STARD13: variants seen among roughly 807,000 people sequenced by gnomAD.
STARD13 encodes stAR-related lipid transfer protein 13.
In STARD13, 62 loss-of-function variants were observed where a neutral mutation model predicts 106.4. The observed-to-expected ratio is 0.58, with a 90% CI of 0.48 to 0.72. The LOEUF (loss-of-function observed/expected upper bound fraction) is 0.72, where lower values mean the gene tolerates loss of function less well. STARD13 is among the 30% of genes least tolerant of loss of function. STARD13 has a pLI of 0.00. For synonymous variants in STARD13, 565 were observed against 553.0 expected (o/e 1.02, Z -0.31); for missense variants, 1,387 against 1,424.0 (o/e 0.97, Z 0.42).
the STARD13 span, among the ~76,000 whole-genome samples, chr13:33,356,497 G>C: frequency 1.3e-5 from 2 of 152,176 alleles, no homozygotes; most frequent in Non-Finnish European, 2.9e-5. Context: ...AGAGGAGGTA[G>C]CCAACTAGGT....
At chr13:33,325,112 A>G (rs2077758762) in intron 1 of STARD13, among the ~76,000 whole-genome samples, 1 of 152,206 alleles carries the variant, frequency 6.6e-6, no homozygotes, top group Admixed American at 6.5e-5. Flanking sequence ...CTACACATCA[A>G]AAAGTTTGTC....
chr13:33,196,255 C>G (rs901142341), intron 1 of STARD13, among the ~76,000 whole-genome samples: 5 of 151,992 alleles, frequency 3.3e-5, no homozygotes, highest in East Asian at 1.9e-4. Flanking sequence ...CGTGGTGACA[C>G]GACGCATGCC....
intron 1 of STARD13, among the ~76,000 whole-genome samples, chr13:33,311,889 T>G (rs1017540320): frequency 1.3e-5 from 2 of 152,210 alleles, no homozygotes; most frequent in African/African-American, 4.8e-5. Context: ...TGCATGTGGA[T>G]TATCCAGTAA....
At chr13:33,294,864 C>T (rs942660045) in intron 1 of STARD13, among the ~76,000 whole-genome samples, 7 of 152,238 alleles carry the variant, frequency 4.6e-5, no homozygotes, top group African/African-American at 1.7e-4. Context: ...AACACTTGCT[C>T]ATTGAAGAAA....
At chr13:33,326,083 C>CCTCT (rs940101876) in intron 1 of STARD13, among the ~76,000 whole-genome samples, 2 of 151,686 alleles carry the variant, frequency 1.3e-5, no homozygotes, top group Non-Finnish European at 2.9e-5. Flanking sequence ...TCCCCATCTC[C>CCTCT]CTCTCTCTCT....
chr13:33,229,317 CA>C (rs1888785327), intron 1 of STARD13, among the ~76,000 whole-genome samples: 1 of 152,016 alleles, frequency 6.6e-6, no homozygotes, highest in Non-Finnish European at 1.5e-5. Context: ...TGACACAGAC[CA>C]AAACCGACCC....
the STARD13 span, among the ~76,000 whole-genome samples, chr13:33,499,519 T>TTTCCTCTTC: frequency 6.5e-5 from 6 of 91,888 alleles, no homozygotes; most frequent in Non-Finnish European, 1.2e-4. Context: ...TTCTTCTTTC[T>TTTCCTCTTC]TTCTTCTTCT....
chr13:33,435,845 G>T, the STARD13 span, among the ~76,000 whole-genome samples: 1 of 151,932 alleles, frequency 6.6e-6, no homozygotes, highest in Non-Finnish European at 1.5e-5. Flanking sequence ...ATTGATAAAG[G>T]GTACCAAAAA....
chr13:33,402,810 G>A, the STARD13 span, among the ~76,000 whole-genome samples: 2 of 152,356 alleles, frequency 1.3e-5, no homozygotes, highest in South Asian at 2.1e-4. Flanking sequence ...TTCAGCTGCT[G>A]AATGGCCAAA....
At chr13:33,525,303 G>A in the STARD13 span, among the ~76,000 whole-genome samples, 1 of 152,066 alleles carries the variant, frequency 6.6e-6, no homozygotes, top group Non-Finnish European at 1.5e-5. Context: ...AATTATAGGA[G>A]TGAGTCACCC....
At position 33,110,100 on chromosome 13, in the gene STARD13, GAC is replaced by G. The variant is rs1874315047; in HGVS notation, c.2830-12_2830-11del. ...GGTTCCCGTCGCCCACCTTGGGAAA[GAC>G]AACGTCAGAAGCTGAAGAGGTTGTC... On this transcript the variant is annotated splice_polypyrimidine_tract_variant and intron_variant, in intron 11 of 13. Coordinates refer to ENST00000336934, the MANE Select transcript of STARD13 (RefSeq NM_178006.4). 4.3e-6 allele frequency: 7 copies of G among 1,613,498 alleles called. No individual in the cohort carries two copies. The highest frequency in any genetic ancestry group is 1.7e-4 in the Middle Eastern group (1 of 6,052).
intron 1 of STARD13, among the ~76,000 whole-genome samples, chr13:33,195,058 T>C (rs1212159667): frequency 6.6e-6 from 1 of 152,242 alleles, no homozygotes; most frequent in Non-Finnish European, 1.5e-5. Context: ...TTTTATTTAT[T>C]TTCCTTTGTT....
chr13:33,440,485 G>A, the STARD13 span, among the ~76,000 whole-genome samples: 1 of 151,022 alleles, frequency 6.6e-6, no homozygotes, highest in African/African-American at 2.4e-5. Flanking sequence ...TATCCTTCTG[G>A]CCTTCTGAAT....
At chr13:33,407,495 T>C in the STARD13 span, among the ~76,000 whole-genome samples, 5 of 152,346 alleles carry the variant, frequency 3.3e-5, no homozygotes, top group Middle Eastern at 3.4e-3. Context: ...CATTTCTTCC[T>C]ATTTTTTCTG....
At chr13:33,630,958 G>A in the STARD13 span, among the ~76,000 whole-genome samples, 1 of 152,132 alleles carries the variant, frequency 6.6e-6, no homozygotes, top group Non-Finnish European at 1.5e-5. Flanking sequence ...TAACTCATTG[G>A]CATTCATTAT....
intron 1 of STARD13, chr13:33,272,769 A>C: frequency 6.6e-6 from 1 of 152,268 alleles, no homozygotes; most frequent in East Asian, 1.9e-4. Context: ...TGGAAGCTAC[A>C]GTGTCCAGGG....
intron 2 of STARD13, 58 bp downstream of exon 2, chr13:33,167,493 C>T (rs542772783): frequency 1.9e-6 from 3 of 1,551,678 alleles, no homozygotes; most frequent in South Asian, 1.1e-5. Context: ...CCACAGGATA[C>T]GTGTGGTTCA....
intron 1 of STARD13, among the ~76,000 whole-genome samples, chr13:33,240,154 T>C (rs1446167424): frequency 6.6e-6 from 1 of 152,202 alleles, no homozygotes; most frequent in East Asian, 1.9e-4. Context: ...GTTTTCTCAT[T>C]ATGTAGTCTT....
chr13:33,524,768 T>C, the STARD13 span, among the ~76,000 whole-genome samples: 1 of 152,148 alleles, frequency 6.6e-6, no homozygotes, highest in Non-Finnish European at 1.5e-5. Flanking sequence ...TACGATATGA[T>C]GTTTTAAAAC....
Sources: allele counts gnomAD v4.1 joint callset (sites outside exome capture counted in the v4.1 genomes callset), GRCh38; gene constraint gnomAD v4.1.1; transcripts MANE v1.5; gene names NCBI Gene and HGNC (gene_info 2026-07-23, HGNC 2026-07-21).